RAB3A: variants seen among roughly 807,000 people sequenced by gnomAD.
RAB3A encodes RAB3A, member RAS oncogene family, also known as ras-related protein Rab-3A.
Under a neutral mutation model 19.7 loss-of-function variants are expected in RAB3A, and 5 were observed. That is an observed-to-expected ratio of 0.25 (90% CI 0.13 to 0.53). RAB3A has a LOEUF of 0.53. Among genes scored for constraint, RAB3A ranks in the 20% least tolerant of loss-of-function variants. The pLI is 0.95. For missense variants in RAB3A, 189 were observed against 305.6 expected, an observed-to-expected ratio of 0.62 and a Z score of 2.85; for synonymous variants, 119 against 122.1, an observed-to-expected ratio of 0.97 and a Z score of 0.17.
At chr19:18,203,637 C>T (rs148222787) in intron 1 of RAB3A, among the ~76,000 whole-genome samples, 2 of 152,368 alleles carry the variant, frequency 1.3e-5, no homozygotes, top group African/African-American at 4.8e-5. Flanking sequence ...GCAAAAGCCT[C>T]CCGCGCGCAC....
At chr19:18,198,509 G>C (rs757961161) in intron 4 of RAB3A, among the ~76,000 whole-genome samples, 1 of 152,130 alleles carries the variant, frequency 6.6e-6, no homozygotes, top group African/African-American at 2.4e-5. Context: ...CCAACAAAGC[G>C]TTGGACGGTG....
intron 4 of RAB3A, among the ~76,000 whole-genome samples, chr19:18,197,873 CT>C (rs56264905): frequency 0.032 from 2,917 of 90,160 alleles, 62 homozygotes; most frequent in African/African-American, 0.072. Flanking sequence ...GCATTTCCTG[CT>C]TTTTTTTTTT....
At position 18,202,506 on chromosome 19, in the gene RAB3A, G is replaced by C; in HGVS notation, c.228+7C>G. On this transcript the variant is annotated splice_region_variant and intron_variant, in intron 2 of 4. Transcript: ENST00000222256. The surrounding 1 kb of genome is among the most constrained non-coding windows in gnomAD (Gnocchi z 4.2). ...AGCCGGGCGGGAGCCCTCCAGCTGG[G>C]ACCCACCCAGATCTGCAGCTTGATC... 6.2e-7 allele frequency: 1 copy of C among 1,613,324 alleles called. No individual in the cohort carries two copies. The highest frequency in any genetic ancestry group is 1.7e-4 in the Middle Eastern group (1 of 6,060).
chr19:18,201,712 G>A (rs1213261888), intron 2 of RAB3A, among the ~76,000 whole-genome samples: 3 of 152,160 alleles, frequency 2.0e-5, no homozygotes, highest in African/African-American at 7.2e-5. Flanking sequence ...CACTCAGTGT[G>A]GGAAATAGAA....
intron 4 of RAB3A, among the ~76,000 whole-genome samples, 154 bp from the exon 5 acceptor site, chr19:18,197,814 A>C (rs538724036): frequency 2.5e-5 from 1 of 39,786 alleles, no homozygotes; most frequent in Non-Finnish European, 1.1e-4. Flanking sequence ...AACTTATTGA[A>C]GGTACTGACA....
intron 4 of RAB3A, 69 bp from the exon 5 acceptor site, chr19:18,197,729 T>TGG: frequency 1.4e-6 from 2 of 1,384,046 alleles, no homozygotes; most frequent in Non-Finnish European, 2.0e-6. Context: ...GATGCTTCTC[T>TGG]GAGGAAAGGG....
Position 18,196,858 on chromosome 19 carries a change from C to T in RAB3A, c.*612G>A, listed in dbSNP as rs1180255092. 5.6e-6 allele frequency: 1 copy of T among 178,522 alleles called. No individual in the cohort carries two copies. Among genetic ancestry groups the T allele is most frequent in the Non-Finnish European group, 1.0e-5 (1 of 95,726 alleles). The allele number at this position is 178,522 out of a possible 1,614,324, so 11.1% of individuals were successfully genotyped here. On this transcript the variant is annotated 3_prime_UTR_variant, in exon 5 of 5. Transcript: ENST00000222256. ...TGTTGTCATGACATCTCCTAAGGAA[C>T]TGGGGGGCACGTTTGACACTCATGA...
intron 3 of RAB3A, among the ~76,000 whole-genome samples, chr19:18,199,079 G>T (rs1967573923): frequency 6.6e-6 from 1 of 151,954 alleles, no homozygotes; most frequent in South Asian, 2.1e-4. Context: ...ATAGAGTCTG[G>T]GTCTGTTGCC....
chr19:18,199,357 A>G (rs1221904615), intron 3 of RAB3A, among the ~76,000 whole-genome samples: 1 of 151,682 alleles, frequency 6.6e-6, no homozygotes, highest in Admixed American at 6.6e-5. Flanking sequence ...GGGTTTCACT[A>G]TGTTGGCCAC....
Position 18,202,786 on chromosome 19 carries a change from T to A in RAB3A, c.1-46A>T. The A allele has an allele frequency of 1.3e-6, 2 of 1,503,844 alleles. No homozygotes were observed. Among genetic ancestry groups the A allele is most frequent in the Non-Finnish European group, 1.8e-6 (2 of 1,084,284 alleles). The allele number at this position is 1,503,844 out of a possible 1,614,324, so 93.2% of individuals were successfully genotyped here. A position where few individuals can be genotyped will look rare whatever the true frequency, so the allele number is the denominator to read the frequency against. ...AGAGCCGTGAGGGGGGCTCTCTCCATCCTCATGTGCCCAAGCCCAGGCAGA... is the reference window on the plus strand; with the variant it reads ...AGAGCCGTGAGGGGGGCTCTCTCCAACCTCATGTGCCCAAGCCCAGGCAGA... On this transcript the variant is annotated intron_variant, in intron 1 of 4. Transcript: ENST00000222256. The surrounding 1 kb of genome is among the most constrained non-coding windows in gnomAD (Gnocchi z 4.2).
intron 1 of RAB3A, among the ~76,000 whole-genome samples, chr19:18,203,671 C>A (rs1285947032): frequency 6.6e-6 from 1 of 152,212 alleles, no homozygotes; most frequent in Non-Finnish European, 1.5e-5. Flanking sequence ...GAGCTCGGCT[C>A]CCCTCCCCCT....
chr19:18,199,617 G>C (rs755408333), intron 3 of RAB3A, among the ~76,000 whole-genome samples: 39 of 151,048 alleles, frequency 2.6e-4, no homozygotes, highest in Non-Finnish European at 4.0e-4. Context: ...TCCACCTCCC[G>C]GGTTCGAGCG....
At chr19:18,198,620 G>A (rs769952508) in intron 4 of RAB3A, 105 bp downstream of exon 4, 352 of 1,439,842 alleles carry the variant, frequency 2.4e-4, no homozygotes, top group East Asian at 1.6e-3. Flanking sequence ...TTTGCAGAAA[G>A]TGTGAATTAC....
In RAB3A at chr19:18,201,257, A is replaced by AG. The variant is rs1166682652; in HGVS notation, c.229-813_229-812insC. On this transcript the variant is annotated intron_variant, in intron 2 of 4. Coordinates refer to ENST00000222256, the MANE Select transcript of RAB3A (RefSeq NM_002866.5). Reference sequence around the variant, plus strand: ...TCTCAAAACAATAACAACAAAAAAAAAAAAAAAAAGAAAGAAAGAAAGAAA... The same window carrying AG: ...TCTCAAAACAATAACAACAAAAAAAAGAAAAAAAAAGAAAGAAAGAAAGAAA... 1.3e-3 allele frequency among the ~76,000 whole-genome samples: 190 copies of AG among 143,072 alleles called. 1 individual carries two copies. The highest frequency in any genetic ancestry group is 6.9e-3 in the Middle Eastern group (2 of 290). 93.9% of individuals were successfully genotyped at this position (143,072 alleles called of 152,430 possible). A position where few individuals can be genotyped will look rare whatever the true frequency, so the allele number is the denominator to read the frequency against.
chr19:18,202,889 G>T lies in RAB3A; in HGVS notation c.1-149C>A. Reference sequence around the variant, plus strand: ...ATCAGGAGCCCCAGTATTAATTGGTGGTGCCCCCAGCAGAGGGCAGCCTGT... The same window carrying T: ...ATCAGGAGCCCCAGTATTAATTGGTTGTGCCCCCAGCAGAGGGCAGCCTGT... On this transcript the variant is annotated intron_variant, in intron 1 of 4. Transcript: ENST00000222256. The surrounding 1 kb of genome is among the most constrained non-coding windows in gnomAD (Gnocchi z 4.2). 2 of 628,708 alleles carry T rather than the reference G, an allele frequency of 3.2e-6. No homozygotes were observed. Among genetic ancestry groups the T allele is most frequent in the East Asian group, 5.5e-5 (2 of 36,278 alleles). 38.9% of individuals were successfully genotyped at this position (628,708 alleles called of 1,614,324 possible). A position where few individuals can be genotyped will look rare whatever the true frequency, so the allele number is the denominator to read the frequency against.
At position 18,202,433 on chromosome 19, in the gene RAB3A, G is replaced by A. The variant is rs1967625477; in HGVS notation, c.228+80C>T. ...TAAGTGAATGACTCCAGTCAGGAAA[G>A]AGATAGACGAGGTTGGGGCTGCTTT... On this transcript the variant is annotated intron_variant, in intron 2 of 4. Transcript: ENST00000222256. The surrounding 1 kb of genome is among the most constrained non-coding windows in gnomAD (Gnocchi z 4.2). 10 of 1,284,982 alleles carry A rather than the reference G, an allele frequency of 7.8e-6. No homozygotes were observed. Among genetic ancestry groups the A allele is most frequent in the Non-Finnish European group, 1.1e-5 (10 of 895,998 alleles). The allele number at this position is 1,284,982 out of a possible 1,614,324, so 79.6% of individuals were successfully genotyped here.
intron 2 of RAB3A, among the ~76,000 whole-genome samples, chr19:18,201,263 A>AGAAAGAAAG (rs1555819265): frequency 2.1e-3 from 256 of 121,792 alleles, no homozygotes; most frequent in Middle Eastern, 4.3e-3. Context: ...AAAAAAAAAA[A>AGAAAGAAAG]AAAGAAAGAA....
intron 3 of RAB3A, 27 bp downstream of exon 3, chr19:18,200,300 A>G: frequency 6.7e-7 from 1 of 1,500,518 alleles, no homozygotes; most frequent in Non-Finnish European, 9.0e-7. Context: ...AGAAAAGAAA[A>G]AAAAAGAGCA....
At position 18,202,958 on chromosome 19, in the gene RAB3A, T is replaced by C. The variant is rs1967634629; in HGVS notation, c.1-218A>G. ...GTTTCAGAGGAGGGGCTCAGAGGGT[T>C]GCCGATGGGGACACCCCAGCAGCCC... On this transcript the variant is annotated intron_variant, in intron 1 of 4. Transcript: ENST00000222256. The surrounding 1 kb of genome is among the most constrained non-coding windows in gnomAD (Gnocchi z 4.2). 7.4e-6 allele frequency: 4 copies of C among 539,908 alleles called. No individual in the cohort carries two copies. In the South Asian group the frequency reaches 8.6e-5, roughly 12 times the overall value. The allele number at this position is 539,908 out of a possible 1,614,324, so 33.4% of individuals were successfully genotyped here. A position where few individuals can be genotyped will look rare whatever the true frequency, so the allele number is the denominator to read the frequency against.
Sources: gnomAD v4.1 joint callset for allele counts (sites outside exome capture counted in the v4.1 genomes callset) on GRCh38, gnomAD v4.1.1 for gene constraint, Gnocchi (gnomAD v3.1) non-coding constraint, MANE v1.5 for transcripts, NCBI Gene and HGNC (gene_info 2026-07-23, HGNC 2026-07-21) for gene names.